The following APBB2 variants were observed in gnomAD, a reference collection of about 807,000 sequenced individuals.
APBB2 encodes amyloid beta precursor protein binding family B member 2.
In APBB2, 38 loss-of-function variants were observed where a neutral mutation model predicts 82.5. The ratio of observed to expected loss-of-function variants is 0.46; its 90% CI spans 0.36 to 0.60. APBB2 has a LOEUF of 0.60. Among genes scored for constraint, APBB2 ranks in the 20% least tolerant of loss-of-function variants. The pLI, the probability that APBB2 is intolerant of heterozygous loss-of-function variation, is 0.00. For missense variants in APBB2, 772 were observed against 972.3 expected (o/e 0.79, Z 2.74); for synonymous variants, 341 against 368.2 (o/e 0.93, Z 0.85).
chr4:41,209,155 G>T (rs2154081295), intron 1 of APBB2, among the ~76,000 whole-genome samples: 1 of 152,174 alleles, frequency 6.6e-6, no homozygotes, highest in South Asian at 2.1e-4. Flanking sequence ...CTGGAGCCTG[G>T]TTATTAGAGG....
At chr4:41,094,090 CTA>C (rs1742693642) in intron 3 of APBB2, among the ~76,000 whole-genome samples, 1 of 151,956 alleles carries the variant, frequency 6.6e-6, no homozygotes, top group African/African-American at 2.4e-5. Flanking sequence ...ATGTTGTATA[CTA>C]TAAATGTATA....
intron 2 of APBB2, among the ~76,000 whole-genome samples, chr4:41,126,663 C>A (rs1754491585): frequency 6.6e-6 from 1 of 152,160 alleles, no homozygotes; most frequent in South Asian, 2.1e-4. Flanking sequence ...TCTCACATTT[C>A]TGGAGGCTAG....
chr4:41,040,883 T>C (rs567957272), intron 4 of APBB2, among the ~76,000 whole-genome samples: 9 of 152,104 alleles, frequency 5.9e-5, no homozygotes, highest in Non-Finnish European at 1.2e-4. Context: ...AATTTTTTAT[T>C]TTTTTATTTT....
At chr4:40,864,131 G>A (rs1763471931) in intron 12 of APBB2, among the ~76,000 whole-genome samples, 1 of 151,990 alleles carries the variant, frequency 6.6e-6, no homozygotes, top group South Asian at 2.1e-4. Flanking sequence ...GTGGCGCCGA[G>A]TAATCTCAGC....
intron 4 of APBB2, among the ~76,000 whole-genome samples, chr4:41,059,517 C>T (rs1010778988): frequency 5.3e-5 from 8 of 152,372 alleles, no homozygotes; most frequent in Middle Eastern, 3.4e-3. Context: ...TGTGGGTTTA[C>T]GCGAATGAGG....
At chr4:41,111,042 T>C (rs977355868) in intron 2 of APBB2, among the ~76,000 whole-genome samples, 3 of 152,180 alleles carry the variant, frequency 2.0e-5, no homozygotes, top group Non-Finnish European at 4.4e-5. Flanking sequence ...CATCAGGCAT[T>C]AGATTCTCAT....
chr4:40,984,122 G>A (rs767854216), intron 6 of APBB2, among the ~76,000 whole-genome samples: 3 of 152,152 alleles, frequency 2.0e-5, no homozygotes, highest in East Asian at 1.9e-4. Context: ...AGGGATGGCC[G>A]GATGAGGTTT....
intron 6 of APBB2, among the ~76,000 whole-genome samples, chr4:40,992,575 T>A (rs1011800753): frequency 4.6e-5 from 7 of 152,144 alleles, no homozygotes; most frequent in African/African-American, 1.7e-4. Flanking sequence ...CTTGGACACC[T>A]CATTAATATG....
At chr4:41,097,849 A>C (rs961071818) in intron 3 of APBB2, among the ~76,000 whole-genome samples, 2 of 152,232 alleles carry the variant, frequency 1.3e-5, no homozygotes, top group African/African-American at 4.8e-5. Context: ...GAGGTTAAAA[A>C]GAAGTGTGGA....
intron 12 of APBB2, chr4:40,881,405 C>G: frequency 1.0e-6 from 1 of 984,070 alleles, no homozygotes; most frequent in Middle Eastern, 5.2e-4. Context: ...TGAGACCCCA[C>G]CTAATCACTC....
intron 14 of APBB2, 121 bp downstream of exon 14, chr4:40,827,011 C>G: frequency 1.2e-6 from 1 of 859,556 alleles, no homozygotes. Context: ...TCAACTTGTG[C>G]TTACTGAGTT....
At chr4:41,196,558 T>C in intron 1 of APBB2, among the ~76,000 whole-genome samples, 1 of 150,940 alleles carries the variant, frequency 6.6e-6, no homozygotes, top group Non-Finnish European at 1.5e-5. Context: ...CCACATCCAG[T>C]GCTGGTCTTT....
chr4:40,949,816 C>T (rs1222653054), intron 6 of APBB2, among the ~76,000 whole-genome samples: 1 of 152,172 alleles, frequency 6.6e-6, no homozygotes, highest in Non-Finnish European at 1.5e-5. Flanking sequence ...TGCCACGCAC[C>T]CCCTTTTGAC....
At chr4:41,074,608 A>ATT (rs370714146) in intron 3 of APBB2, among the ~76,000 whole-genome samples, 5,831 of 136,478 alleles carry the variant, frequency 0.043, 167 homozygotes, top group Middle Eastern at 0.076. Flanking sequence ...TATTATTATT[A>ATT]TTTTTTTTTT....
intron 4 of APBB2, among the ~76,000 whole-genome samples, chr4:41,063,598 A>G (rs1730602765): frequency 1.3e-5 from 2 of 152,344 alleles, no homozygotes; most frequent in Admixed American, 6.5e-5. Context: ...CTACTGCTAT[A>G]AAGTGCCACT....
chr4:40,970,936 CTA>C (rs1270868660), intron 6 of APBB2, among the ~76,000 whole-genome samples: 1 of 152,154 alleles, frequency 6.6e-6, no homozygotes, highest in African/African-American at 2.4e-5. Flanking sequence ...ACATTTGCCC[CTA>C]TGTCTTCTAA....
chr4:40,926,932 G>A (rs73244004), intron 10 of APBB2, among the ~76,000 whole-genome samples: 19,585 of 152,296 alleles, frequency 0.13, 1,381 homozygotes, highest in Admixed American at 0.21. Context: ...GTGCCTGGCA[G>A]AGGGGAGGGC....
intron 1 of APBB2, among the ~76,000 whole-genome samples, chr4:41,146,995 C>G (rs922897417): frequency 2.0e-5 from 3 of 152,206 alleles, no homozygotes; most frequent in African/African-American, 7.2e-5. Flanking sequence ...CACCCAAAAC[C>G]ACTTCTCAAA....
rs1774023872 is a variant in APBB2 at position 41,190,223 on chromosome 4, G to T, written c.-417+24182C>A. 7.4e-5 allele frequency among the ~76,000 whole-genome samples: 10 copies of T among 135,370 alleles called. No homozygotes were observed. The South Asian group carries it at 2.4e-3, about 33-fold the overall frequency. 88.8% of individuals were successfully genotyped at this position (135,370 alleles called of 152,430 possible). ...CTTTCTAAAACTTACTATATCAAAA[G>T]AATTTCCTACATAGGCTATTTTTTT... On this transcript the variant is annotated intron_variant, in intron 1 of 17. Coordinates refer to ENST00000508593, the MANE Select transcript of APBB2 (RefSeq NM_004307.2).
Sources: gnomAD v4.1 joint callset for allele counts (sites outside exome capture counted in the v4.1 genomes callset) on GRCh38, gnomAD v4.1.1 for gene constraint, MANE v1.5 for transcripts, NCBI Gene and HGNC (gene_info 2026-07-23, HGNC 2026-07-21) for gene names.